Variants in ZAN observed in about 807,000 individuals in gnomAD.
ZAN encodes zonadhesin.
A neutral mutation model predicts 286.2 loss-of-function variants in ZAN; 260 were observed. That is an observed-to-expected ratio of 0.91 (90% confidence interval 0.82 to 1.01). The LOEUF (loss-of-function observed/expected upper bound fraction) is 1.01. Among genes scored for constraint, ZAN ranks in the 50% least tolerant of loss-of-function variants. ZAN has a pLI of 0.00. For missense variants in ZAN, 3,410 were observed against 3,639.2 expected, an observed-to-expected ratio of 0.94 and a Z score of 1.62; for synonymous variants, 1,368 against 1,417.5, an observed-to-expected ratio of 0.97 and a Z score of 0.79.
rs373704697 is a variant in ZAN, at chr7:100,750,059, A to AACACACACAC, written c.1250-535_1250-526dup. Among the ~76,000 whole-genome samples, 1,211 of 122,272 alleles carry AACACACACAC rather than the reference A, an allele frequency of 9.9e-3. 15 individuals carry two copies. Among genetic ancestry groups the AACACACACAC allele is most frequent in the East Asian group, 0.019 (73 of 3,892 alleles). 80.2% of individuals were successfully genotyped at this position (122,272 alleles called of 152,430 possible). On this transcript the variant is annotated intron_variant, in intron 11 of 47. Transcript: ENST00000613979. ...GAGCGAGACTCCATCTCAAAAAAAC[A>AACACACACAC]ACACACACACACACACACACACACA...
intron 15 of ZAN, 100 bp from the exon 16 acceptor site, chr7:100,758,093 TAAATAAATA>T (rs1809277485): frequency 2.6e-6 from 1 of 381,908 alleles, no homozygotes; most frequent in Admixed American, 1.0e-4. Flanking sequence ...CACAAATAAA[TAAATAAATA>T]AATAAATAAA....
rs762492624 is a variant in ZAN, at chr7:100,736,990, C to T, written c.435C>T (p.Pro145=). 6 of 1,502,640 alleles carry T rather than the reference C, an allele frequency of 4.0e-6. 2 individuals are homozygous for T. Among genetic ancestry groups the T allele is most frequent in the African/African-American group, 2.8e-5 (2 of 70,968 alleles). 93.1% of individuals were successfully genotyped at this position (1,502,640 alleles called of 1,614,324 possible). Reference sequence around the variant, plus strand: ...TCTCGGGTGAAGAGGGCCGCCGCCCCGATGTGCTCTGGAAACACTGGAACA... The same window carrying T: ...TCTCGGGTGAAGAGGGCCGCCGCCCTGATGTGCTCTGGAAACACTGGAACA... ...LLLSGEEGRR[P]DVLWKHWNTQ... The change falls in exon 5 of 48, where the codon CCC becomes CCT. Residue 145 remains proline, a synonymous_variant. Transcript: ENST00000613979.
At chr7:100,765,026 C>T (rs1809856738) in intron 22 of ZAN, among the ~76,000 whole-genome samples, 1 of 152,198 alleles carries the variant, frequency 6.6e-6, no homozygotes, top group Admixed American at 6.6e-5. Flanking sequence ...AGGCCTATCC[C>T]CTGACTCAGA....
chr7:100,734,363 T>A (rs987604489), intron 2 of ZAN, 142 bp downstream of exon 2: 1 of 548,278 alleles, frequency 1.8e-6, no homozygotes. Context: ...CTCACGCCTG[T>A]AATCCCAGCA....
Position 100,794,122 on chromosome 7 carries a change from G to T in ZAN, c.7989G>T (p.Leu2663=). 6.2e-7 allele frequency: 1 copy of T among 1,613,996 alleles called. No individual in the cohort carries two copies. Among genetic ancestry groups the T allele is most frequent in the Non-Finnish European group, 8.5e-7 (1 of 1,179,878 alleles). The change falls in exon 44 of 48, where the codon CTG becomes CTT. Residue 2663 remains leucine, a splice_region_variant and synonymous_variant. Coordinates refer to ENST00000613979, the MANE Select transcript of ZAN (RefSeq NM_003386.3). ...GCTSNGIYYQ[L]GSSFLTEDCS... is the part of the protein sequence containing the mutation. ...CTCCTGGCCCTTCCCCTTTCTAGCT[G>T]GGCAGCAGCTTTCTGACTGAGGACT...
rs779505011 is a variant in ZAN, at chr7:100,786,109, C to T, written c.6947C>T (p.Ser2316Phe). The change falls in exon 37 of 48, where the codon TCC becomes TTC. Residue 2316 changes from serine (S) to phenylalanine (F), a missense_variant. Around this residue, in one of 7 missense-constraint regions of ZAN, gnomAD observed 1,289 missense variants for 1,314.3 expected, o/e 0.98. Transcript: ENST00000613979. ...CPSGSHCQLT[S>F]DNSNSNCVSD... is the part of the protein sequence containing the mutation. ...TCTGGGTCCCACTGCCAGCTCACTT[C>T]CGACAACAGCAACAGCAATTGTGTC... 2.5e-6 allele frequency: 4 copies of T among 1,613,912 alleles called. No homozygotes were observed. In the African/African-American group the frequency reaches 4.0e-5, roughly 16 times the overall value.
intron 7 of ZAN, among the ~76,000 whole-genome samples, chr7:100,745,949 T>A (rs141477740): frequency 6.6e-6 from 1 of 151,412 alleles, no homozygotes; most frequent in African/African-American, 2.4e-5. Flanking sequence ...CCAGGCCAGA[T>A]GTGATGGCTC....
At chr7:100,781,057 ATTTATTTT>A (rs1411112645) in intron 35 of ZAN, among the ~76,000 whole-genome samples, 1 of 151,868 alleles carries the variant, frequency 6.6e-6, no homozygotes, top group East Asian at 1.9e-4. Context: ...GGTTTATTTT[ATTTATTTT>A]TTTATTTTAT....
At chr7:100,738,871 T>TCTTCTC (rs764317072) in intron 7 of ZAN, among the ~76,000 whole-genome samples, 993 of 23,692 alleles carry the variant, frequency 0.042, 349 homozygotes, top group East Asian at 0.12. Flanking sequence ...TTCCTCTTCT[T>TCTTCTC]CTTCTCCCTC....
chr7:100,776,231 T>C (rs1584610901), intron 33 of ZAN, among the ~76,000 whole-genome samples: 2 of 150,298 alleles, frequency 1.3e-5, no homozygotes, highest in South Asian at 4.2e-4. Context: ...GGCAGGAGGG[T>C]TGCTTGAACC....
intron 11 of ZAN, among the ~76,000 whole-genome samples, chr7:100,749,639 C>CAA (rs762868522): frequency 0.019 from 1,252 of 66,672 alleles, 29 homozygotes; most frequent in Middle Eastern, 0.089. Flanking sequence ...GACTCCGTCT[C>CAA]AAAAAAAAAA....
intron 42 of ZAN, among the ~76,000 whole-genome samples, chr7:100,792,732 A>T (rs1485674337): frequency 6.6e-6 from 1 of 151,928 alleles, no homozygotes; most frequent in African/African-American, 2.4e-5. Context: ...CCTGCCTGGG[A>T]GCCTCCCAAC....
At chr7:100,780,590 CT>C (rs1458000421) in intron 35 of ZAN, among the ~76,000 whole-genome samples, 6 of 151,602 alleles carry the variant, frequency 4.0e-5, no homozygotes, top group African/African-American at 1.5e-4. Flanking sequence ...GGGAGGATCA[CT>C]TGAGCCCGGC....
At chr7:100,735,524 A>G (rs1378251462) in intron 2 of ZAN, among the ~76,000 whole-genome samples, 196 bp from the exon 3 acceptor site, 2 of 134,152 alleles carry the variant, frequency 1.5e-5, no homozygotes, top group Non-Finnish European at 3.3e-5. Flanking sequence ...CTGTGATTGT[A>G]TCACTGCACT....
intron 15 of ZAN, among the ~76,000 whole-genome samples, chr7:100,757,618 C>T (rs1041768339): frequency 5.3e-5 from 8 of 151,528 alleles, no homozygotes; most frequent in African/African-American, 1.7e-4. Context: ...AGCCGGGCGT[C>T]GTGGCGGGTG....
rs372887085 is a variant in ZAN at position 100,752,829 on chromosome 7, C to T, written c.2724C>T (p.Ile908=). ...KLTIPTEKPT[I]SPEKPTISTE... is the part of the protein sequence containing the mutation. Reference sequence around the variant, plus strand: ...CCATCCCCACAGAAAAACCCACCATCTCCCCAGAAAAACCCACCATCTCCA... The same window carrying T: ...CCATCCCCACAGAAAAACCCACCATTTCCCCAGAAAAACCCACCATCTCCA... The change falls in exon 14 of 48, where the codon ATC becomes ATT. Residue 908 remains isoleucine (I), a synonymous_variant. Coordinates refer to ENST00000613979, the MANE Select transcript of ZAN (RefSeq NM_003386.3). 702 of 1,594,710 alleles carry T rather than the reference C, an allele frequency of 4.4e-4. 3 individuals carry two copies. In the African/African-American group the frequency reaches 8.7e-3, roughly 20 times the overall value.
rs761472941 is a variant in ZAN, at chr7:100,773,452, G to A, written c.5593G>A (p.Gly1865Ser). The change falls in exon 30 of 48, where the codon GGC becomes AGC. Residue 1865 changes from glycine (G) to serine (S), a missense_variant. By Grantham distance (56) the Gly-to-Ser change is moderately conservative. Coordinates refer to ENST00000613979, the MANE Select transcript of ZAN (RefSeq NM_003386.3). ...GAGTGGAACCTCCTGCGTGCCCCTTGGCCAGTGTGGCTGCACTGACCCAGC... is the reference window on the plus strand; with the variant it reads ...GAGTGGAACCTCCTGCGTGCCCCTTAGCCAGTGTGGCTGCACTGACCCAGC... ...ILSGTSCVPL[G>S]QCGCTDPAGS... The A allele has an allele frequency of 6.2e-7, 1 of 1,613,890 alleles. No individual in the cohort carries two copies. The highest frequency in any genetic ancestry group is 1.1e-5 in the South Asian group (1 of 91,086).
chr7:100,738,431 T>C lies in ZAN; in HGVS notation c.614-30T>C, dbSNP rs1196237026. 2.1e-6 allele frequency: 3 copies of C among 1,444,014 alleles called. No individual in the cohort carries two copies. The South Asian group carries it at 3.7e-5, about 18-fold the overall frequency. The allele number at this position is 1,444,014 out of a possible 1,614,324, so 89.5% of individuals were successfully genotyped here. On this transcript the variant is annotated intron_variant, in intron 6 of 47. Transcript: ENST00000613979. ...CCTGTCTCTAAAAAAGAAGAAAACA[T>C]TATATCTTCCCTTCTTTCTTTCCTC...
chr7:100,795,300 A>T lies in ZAN; in HGVS notation c.8230A>T (p.Met2744Leu). 1 of 1,605,426 alleles carries T rather than the reference A, an allele frequency of 6.2e-7. No homozygotes were observed. The highest frequency in any genetic ancestry group is 8.5e-7 in the Non-Finnish European group (1 of 1,175,044). Residue 2744 changes from methionine to leucine, a missense_variant, in exon 45 of 48, where the codon ATG (methionine) becomes TTG (leucine). Met to Leu is a conservative substitution (Grantham distance 15, BLOSUM62 2). Around this residue, in one of 7 missense-constraint regions of ZAN, gnomAD observed 1,289 missense variants for 1,314.3 expected, o/e 0.98. Transcript: ENST00000613979. ...AGTTGGTTACGGGGGAGGCCTGTGTATGGAGCCTCGAGATGCGCCACCTCC... is the reference window on the plus strand; with the variant it reads ...AGTTGGTTACGGGGGAGGCCTGTGTTTGGAGCCTCGAGATGCGCCACCTCC... The part of the protein sequence containing the change: ...CEVGYGGGLC[M>L]EPRDAPPPRK...
Sources: gnomAD v4.1 joint callset for allele counts (sites outside exome capture counted in the v4.1 genomes callset) on GRCh38, gnomAD v4.1.1 for gene constraint, gnomAD v4.1.1 regional missense constraint, MANE v1.5 for transcripts, NCBI Gene and HGNC (gene_info 2026-07-23, HGNC 2026-07-21) for gene names.